The following FMN1 variants were observed in gnomAD, a reference collection of about 807,000 sequenced individuals.
FMN1 encodes formin 1, also known as formin-1.
Under a neutral mutation model 132.4 loss-of-function variants are expected in FMN1, and 110 were observed. That is an observed-to-expected ratio of 0.83 (90% CI 0.71 to 0.97). FMN1 has a LOEUF of 0.97. FMN1 is among the 50% of genes least tolerant of loss of function. The pLI is 0.00. For missense variants in FMN1, 1,792 were observed against 1,705.3 expected, an observed-to-expected ratio of 1.05 and a Z score of -0.90; for synonymous variants, 722 against 651.7, an observed-to-expected ratio of 1.11 and a Z score of -1.64.
At chr15:33,083,579 G>C (rs965098812) in intron 5 of FMN1, among the ~76,000 whole-genome samples, 3 of 152,096 alleles carry the variant, frequency 2.0e-5, no homozygotes, top group Admixed American at 6.5e-5. Context: ...TTGTGCTCTG[G>C]ACCCTTCCAG....
intron 17 of FMN1, among the ~76,000 whole-genome samples, chr15:32,829,423 G>A (rs2058448790): frequency 6.6e-6 from 1 of 152,152 alleles, no homozygotes; most frequent in African/African-American, 2.4e-5. Flanking sequence ...CAGGCCCCCA[G>A]GAGAGGGGGG....
intron 7 of FMN1, among the ~76,000 whole-genome samples, chr15:32,988,166 C>A (rs919377402): frequency 6.7e-6 from 1 of 148,764 alleles, no homozygotes; most frequent in Non-Finnish European, 1.5e-5. Flanking sequence ...CATAGTCAAT[C>A]TGGACACTGA....
chr15:33,095,496 G>C (rs2039050205), intron 4 of FMN1, among the ~76,000 whole-genome samples: 3 of 152,194 alleles, frequency 2.0e-5, no homozygotes, highest in Non-Finnish European at 4.4e-5. Flanking sequence ...CCTGTGCTCA[G>C]CAATCCTCCT....
At chr15:32,917,087 C>T (rs1239663083) in intron 10 of FMN1, among the ~76,000 whole-genome samples, 1 of 152,002 alleles carries the variant, frequency 6.6e-6, no homozygotes, top group Non-Finnish European at 1.5e-5. Flanking sequence ...TCCCTCCCAA[C>T]AATGAGGTCA....
intron 4 of FMN1, among the ~76,000 whole-genome samples, chr15:33,142,313 A>G (rs2140254066): frequency 6.6e-6 from 1 of 152,328 alleles, no homozygotes; most frequent in South Asian, 2.1e-4. Flanking sequence ...CTGTAAGTGG[A>G]TAGTTTAATC....
intron 9 of FMN1, among the ~76,000 whole-genome samples, chr15:32,942,634 T>C (rs1324662733): frequency 6.6e-6 from 1 of 152,232 alleles, no homozygotes; most frequent in Non-Finnish European, 1.5e-5. Context: ...TCTACACCTT[T>C]GCTAGACACC....
At chr15:33,105,423 A>G (rs1051288079) in intron 4 of FMN1, among the ~76,000 whole-genome samples, 2 of 152,138 alleles carry the variant, frequency 1.3e-5, no homozygotes, top group African/African-American at 4.8e-5. Context: ...CTAGAGGATA[A>G]TTTAGCAGAA....
intron 13 of FMN1, chr15:32,900,350 A>T (rs1192078534): frequency 1.5e-6 from 1 of 681,254 alleles, no homozygotes; most frequent in Non-Finnish European, 2.7e-6. Context: ...TAAACAGTGC[A>T]TGTTTTAATA....
At chr15:33,171,200 T>C (rs1965308974) in intron 3 of FMN1, among the ~76,000 whole-genome samples, 1 of 152,126 alleles carries the variant, frequency 6.6e-6, no homozygotes, top group South Asian at 2.1e-4. Context: ...AATTATAGTT[T>C]CCAGAGACTG....
intron 20 of FMN1, among the ~76,000 whole-genome samples, chr15:32,774,643 T>G (rs1243859463): frequency 6.6e-6 from 1 of 152,150 alleles, no homozygotes; most frequent in East Asian, 1.9e-4. Flanking sequence ...TCTGTTCTCT[T>G]CTTTTGTGAC....
At chr15:32,930,055 T>C (rs912815389) in intron 9 of FMN1, among the ~76,000 whole-genome samples, 3 of 145,976 alleles carry the variant, frequency 2.1e-5, no homozygotes, top group Admixed American at 7.2e-5. Context: ...AGAGGCTTGA[T>C]CTCGCCTCAC....
chr15:32,839,575 A>G (rs62001290), intron 17 of FMN1, among the ~76,000 whole-genome samples: 13,849 of 152,098 alleles, frequency 0.091, 680 homozygotes, highest in Middle Eastern at 0.12. Context: ...TACTCCAAAC[A>G]TAGTTTCTTT....
intron 4 of FMN1, among the ~76,000 whole-genome samples, chr15:33,098,779 T>A (rs2039181484): frequency 6.6e-6 from 1 of 152,168 alleles, no homozygotes; most frequent in South Asian, 2.1e-4. Flanking sequence ...ACCACAGCTC[T>A]TACTACGTGG....
intron 6 of FMN1, among the ~76,000 whole-genome samples, chr15:33,035,046 G>A (rs2036124593): frequency 6.6e-6 from 1 of 152,102 alleles, no homozygotes; most frequent in Admixed American, 6.5e-5. Context: ...TCAGAAAAAC[G>A]TGTTTTAAAT....
Position 32,926,210 on chromosome 15 carries a change from A to G in FMN1, c.3190T>C (p.Ser1064Pro), listed in dbSNP as rs368113761. ...TCCTTCATTTCTAAATGTAAACTAGATATCAAGATTCCCACAGTTTGAGAT... is the reference window on the plus strand; with the variant it reads ...TCCTTCATTTCTAAATGTAAACTAGGTATCAAGATTCCCACAGTTTGAGAT... ...KRSQTVGILISSLHLEMKDIQ... is the reference protein window; with the variant it reads ...KRSQTVGILIPSLHLEMKDIQ... The change falls in exon 10 of 21, where the codon TCT becomes CCT. Residue 1064 changes from serine (S) to proline (P), a missense_variant. This residue lies in a region of FMN1 where 1,150 missense variants were observed against 1,043.1 expected (regional missense o/e 1.10). Transcript: ENST00000616417. The G allele has an allele frequency of 5.8e-6, 9 of 1,563,386 alleles. No individual in the cohort carries two copies. Among genetic ancestry groups the G allele is most frequent in the East Asian group, 2.3e-5 (1 of 43,970 alleles).
chr15:32,994,220 TCTCTCTCTCTCTCACA>T (rs1470786016), intron 7 of FMN1, among the ~76,000 whole-genome samples: 1 of 87,608 alleles, frequency 1.1e-5, no homozygotes, highest in Non-Finnish European at 2.6e-5. Flanking sequence ...TTCCTCTCTC[TCTCTCTCTCTCTCACA>T]CACACACACA....
In FMN1 at chr15:33,066,541, C is replaced by CTTAG. The variant is rs1327976895; in HGVS notation, c.2044-1471_2044-1468dup. On this transcript the variant is annotated intron_variant, in intron 5 of 20. Coordinates refer to ENST00000616417, the MANE Select transcript of FMN1 (RefSeq NM_001277313.2). ...TGGAATCAGAGGGGCCATCCGCTGGCTTAGAATTGGACCGTTCAAACACAG... is the reference window on the plus strand; with the variant it reads ...TGGAATCAGAGGGGCCATCCGCTGGCTTAGTTAGAATTGGACCGTTCAAACACAG... 3 of 1,575,726 alleles carry CTTAG rather than the reference C, an allele frequency of 1.9e-6. No homozygotes were observed. In the African/African-American group the frequency reaches 4.1e-5, roughly 22 times the overall value.
At chr15:32,922,461 C>G (rs754206427) in intron 10 of FMN1, among the ~76,000 whole-genome samples, 2 of 152,200 alleles carry the variant, frequency 1.3e-5, no homozygotes, top group Non-Finnish European at 2.9e-5. Context: ...GGAATGAACA[C>G]TAGCCCTGCT....
chr15:32,867,773 G>A (rs541520256), intron 16 of FMN1, among the ~76,000 whole-genome samples: 17 of 152,328 alleles, frequency 1.1e-4, no homozygotes, highest in Middle Eastern at 3.4e-3. Context: ...TTACAGGCGT[G>A]AGCCACCGCG....
Sources: allele counts gnomAD v4.1 joint callset (sites outside exome capture counted in the v4.1 genomes callset), GRCh38; gene constraint gnomAD v4.1.1; regional missense constraint gnomAD v4.1.1; transcripts MANE v1.5; gene names NCBI Gene and HGNC (gene_info 2026-07-23, HGNC 2026-07-21).